Variants in PTPN1 observed in about 807,000 individuals in gnomAD.
PTPN1 encodes protein tyrosine phosphatase non-receptor type 1.
A neutral mutation model predicts 59.9 loss-of-function variants in PTPN1; 12 were observed. The ratio of observed to expected loss-of-function variants is 0.20; its 90% CI spans 0.13 to 0.32. The LOEUF is 0.32. Ranked by LOEUF, PTPN1 falls within the 10% of genes least tolerant of loss-of-function variation. PTPN1 has a pLI of 1.00. For missense variants in PTPN1, 356 were observed against 549.2 expected (o/e 0.65, Z 3.52); for synonymous variants, 178 against 203.6 (o/e 0.87, Z 1.07).
chr20:50,560,259 C>T (rs2082746119), intron 1 of PTPN1, among the ~76,000 whole-genome samples: 1 of 152,070 alleles, frequency 6.6e-6, no homozygotes, highest in African/African-American at 2.4e-5. Flanking sequence ...AACAGTCTTG[C>T]TGCAGTTCAT....
chr20:50,582,253 A>G lies in PTPN1; in HGVS notation c.1285-439A>G, dbSNP rs1423598229. On this transcript the variant is annotated intron_variant, in intron 9 of 9. Coordinates refer to ENST00000371621, the MANE Select transcript of PTPN1 (RefSeq NM_002827.4). The surrounding 1 kb of genome is among the most constrained non-coding windows in gnomAD (Gnocchi z 4.2). The stretch of plus-strand genomic sequence containing the variant: ...TCCTCGAGGCCTCTGCCTGGGGGTC[A>G]GAGGTCACCACAGGGTGGCCATTGG... Among the ~76,000 whole-genome samples the G allele has an allele frequency of 2.6e-5, 4 of 152,224 alleles. No homozygotes were observed. The highest frequency in any genetic ancestry group is 5.9e-5 in the Non-Finnish European group (4 of 68,044).
chr20:50,519,421 A>T (rs2082541826), intron 1 of PTPN1, among the ~76,000 whole-genome samples: 1 of 152,226 alleles, frequency 6.6e-6, no homozygotes, highest in Non-Finnish European at 1.5e-5. Flanking sequence ...CACTACTCGA[A>T]TGGTAACAAA....
At chr20:50,516,529 A>C (rs985975516) in intron 1 of PTPN1, among the ~76,000 whole-genome samples, 2 of 152,242 alleles carry the variant, frequency 1.3e-5, no homozygotes, top group Admixed American at 6.5e-5. Context: ...TAAAAACTGC[A>C]GCAGTTACTC....
chr20:50,525,681 G>A (rs2082571775), intron 1 of PTPN1, among the ~76,000 whole-genome samples: 1 of 151,844 alleles, frequency 6.6e-6, no homozygotes, highest in Non-Finnish European at 1.5e-5. Context: ...GTCTGAAAGG[G>A]GAAAGGTTTT....
Position 50,559,741 on chromosome 20 carries a change from G to A in PTPN1, c.64-1622G>A, listed in dbSNP as rs1233144975. Reference sequence around the variant, plus strand: ...GCTATCTTGTTTTTAAGTTTCGAGAGACATCTTTGTTTTATATAACATTCT... The same window carrying A: ...GCTATCTTGTTTTTAAGTTTCGAGAAACATCTTTGTTTTATATAACATTCT... On this transcript the variant is annotated intron_variant, in intron 1 of 9. Transcript: ENST00000371621. 7.9e-5 allele frequency among the ~76,000 whole-genome samples: 12 copies of A among 152,032 alleles called. No homozygotes were observed. The East Asian group carries it at 2.1e-3, about 27-fold the overall frequency.
chr20:50,557,630 T>C (rs1480023936), intron 1 of PTPN1: 1 of 152,256 alleles, frequency 6.6e-6, no homozygotes, highest in Non-Finnish European at 1.5e-5. Context: ...TTAAACATTA[T>C]TTCTGTTGTT....
At chr20:50,564,945 T>G (rs1373154822) in intron 2 of PTPN1, 24 bp from the exon 3 acceptor site, 1 of 1,612,550 alleles carries the variant, frequency 6.2e-7, no homozygotes, top group African/African-American at 1.3e-5. Context: ...GGGATTAACC[T>G]CTGAGTTCTG....
intron 5 of PTPN1, among the ~76,000 whole-genome samples, chr20:50,576,804 G>A (rs1292282962): frequency 6.6e-6 from 1 of 152,134 alleles, no homozygotes; most frequent in Non-Finnish European, 1.5e-5. Flanking sequence ...GAACCCAGGA[G>A]GCGGAGGTTG....
At chr20:50,527,685 T>C (rs1180123467) in intron 1 of PTPN1, among the ~76,000 whole-genome samples, 2 of 152,302 alleles carry the variant, frequency 1.3e-5, no homozygotes. Context: ...AAGATCTGCT[T>C]CCTTGTTACT....
intron 1 of PTPN1, among the ~76,000 whole-genome samples, chr20:50,560,362 A>C (rs533016340): frequency 6.6e-6 from 1 of 152,148 alleles, no homozygotes; most frequent in Admixed American, 6.6e-5. Context: ...ATGAGATGGC[A>C]ATCCAGGTCT....
chr20:50,575,516 G>A (rs545169968), intron 5 of PTPN1, among the ~76,000 whole-genome samples: 5 of 152,376 alleles, frequency 3.3e-5, no homozygotes, highest in Admixed American at 2.0e-4. Flanking sequence ...GGGAGACCAT[G>A]TGGAGTGGGG....
chr20:50,543,757 CGAA>C (rs772332080), intron 1 of PTPN1, among the ~76,000 whole-genome samples: 3 of 151,882 alleles, frequency 2.0e-5, no homozygotes, highest in Admixed American at 6.6e-5. Context: ...ATTCCAATAT[CGAA>C]GAAGAAGACT....
At chr20:50,562,470 C>G (rs2082757524) in intron 2 of PTPN1, among the ~76,000 whole-genome samples, 2 of 152,220 alleles carry the variant, frequency 1.3e-5, no homozygotes, top group Non-Finnish European at 2.9e-5. Context: ...TGTGTGTCAG[C>G]TCTGCCGCTT....
At position 50,578,742 on chromosome 20, in the gene PTPN1, G is replaced by A. The variant is rs938152899; in HGVS notation, c.702+113G>A. 3.3e-6 allele frequency: 3 copies of A among 902,242 alleles called. No individual in the cohort carries two copies. The African/African-American group carries it at 5.1e-5, about 15-fold the overall frequency. The allele number at this position is 902,242 out of a possible 1,614,324, so 55.9% of individuals were successfully genotyped here. A position where few individuals can be genotyped will look rare whatever the true frequency, so the allele number is the denominator to read the frequency against. ...CTTCCAAAATACAGAGACTCACTGT[G>A]TTAGTCTGTTTTTGCGTTACTAATA... On this transcript the variant is annotated intron_variant, in intron 6 of 9. Coordinates refer to ENST00000371621, the MANE Select transcript of PTPN1 (RefSeq NM_002827.4).
chr20:50,532,749 G>T (rs1018431344), intron 1 of PTPN1, among the ~76,000 whole-genome samples: 10 of 151,976 alleles, frequency 6.6e-5, no homozygotes, highest in Non-Finnish European at 1.3e-4. Flanking sequence ...TGTGTGGGTG[G>T]GTGTGTGTTC....
chr20:50,532,966 C>A (rs939214332), intron 1 of PTPN1, among the ~76,000 whole-genome samples: 27 of 151,734 alleles, frequency 1.8e-4, no homozygotes, highest in Admixed American at 5.2e-4. Flanking sequence ...TCTTCATTAT[C>A]CCCTTTTGTT....
intron 1 of PTPN1, among the ~76,000 whole-genome samples, chr20:50,522,957 G>A (rs2082557667): frequency 6.6e-6 from 1 of 151,280 alleles, no homozygotes; most frequent in Non-Finnish European, 1.5e-5. Context: ...GTAGAGATGG[G>A]GTTTCATCAT....
chr20:50,528,625 A>G (rs1427723559), intron 1 of PTPN1, among the ~76,000 whole-genome samples: 1 of 151,590 alleles, frequency 6.6e-6, no homozygotes, highest in Non-Finnish European at 1.5e-5. Context: ...GAGGCAGGAG[A>G]ATCACTTGAA....
chr20:50,539,644 C>CTTTT (rs5841806), intron 1 of PTPN1, among the ~76,000 whole-genome samples: 20 of 90,520 alleles, frequency 2.2e-4, no homozygotes, highest in Non-Finnish European at 3.2e-4. Flanking sequence ...CTCTTTCTCT[C>CTTTT]TTTTTTTTTT....
Sources: allele counts gnomAD v4.1 joint callset (sites outside exome capture counted in the v4.1 genomes callset), GRCh38; gene constraint gnomAD v4.1.1; non-coding constraint Gnocchi (gnomAD v3.1); transcripts MANE v1.5; gene names NCBI Gene and HGNC (gene_info 2026-07-23, HGNC 2026-07-21).